NOL3: variants seen among roughly 807,000 people sequenced by gnomAD.
NOL3 encodes the protein nucleolar protein 3.
A neutral mutation model predicts 19.2 loss-of-function variants in NOL3; 18 were observed. The ratio of observed to expected loss-of-function variants is 0.94; its 90% CI spans 0.65 to 1.39. NOL3 has a LOEUF of 1.39. NOL3 is among the 40% of genes most tolerant of loss of function. NOL3 has a pLI of 0.00. For missense variants in NOL3, 290 were observed against 289.5 expected, an observed-to-expected ratio of 1.00 and a Z score of -0.01; for synonymous variants, 127 against 137.3, an observed-to-expected ratio of 0.93 and a Z score of 0.52.
intron 1 of NOL3, 179 bp from the exon 2 acceptor site, chr16:67,173,983 C>T: frequency 6.5e-7 from 1 of 1,538,412 alleles, no homozygotes; most frequent in South Asian, 1.2e-5. Context: ...CAGGAGGACA[C>T]CGAGTTCCCC....
exon 4 of NOL3, chr16:67,175,083 G>C (rs199600705): frequency 6.2e-7 from 1 of 1,614,224 alleles, no homozygotes; most frequent in South Asian, 1.1e-5. Context: ...GCGGTGCCCC[G>C]CCCATGCTGG....
chr16:67,174,848 C>T (rs1223981877), exon 3 of NOL3: 1 of 1,607,136 alleles, frequency 6.2e-7, no homozygotes, highest in Admixed American at 1.7e-5. Context: ...AGAGCCAGAG[C>T]TGGAACCCGA....
chr16:67,170,797 C>T lies in NOL3; in HGVS notation c.-9+223C>T, dbSNP rs1401064256. ...AAGGGGCGGGGGGGGAAAATCCGTG[C>T]AGTCGCACATGCGCAAAGGCTCTTC... is the stretch of plus-strand genomic sequence containing the variant. On this transcript the variant is annotated intron_variant, in intron 1 of 3. Coordinates refer to ENST00000268605, the Ensembl canonical transcript of NOL3. The surrounding 1 kb of genome is among the most constrained non-coding windows in gnomAD (Gnocchi z 5.7). Among the ~76,000 whole-genome samples the T allele has an allele frequency of 6.6e-6, 1 of 152,002 alleles. No individual in the cohort carries two copies.
At chr16:67,175,019 CTT>C (rs754154648) in intron 3 of NOL3, 26 bp from the exon 4 acceptor site, 1 of 1,613,796 alleles carries the variant, frequency 6.2e-7, no homozygotes, top group South Asian at 1.1e-5. Context: ...GACCCCACCT[CTT>C]TGACCACTGT....
chr16:67,174,155 C>CA lies in NOL3; in HGVS notation c.-8-6dup. 6.2e-7 allele frequency: 1 copy of CA among 1,605,236 alleles called. No homozygotes were observed. The highest frequency in any genetic ancestry group is 8.5e-7 in the Non-Finnish European group (1 of 1,174,982). ...CCCCATTACTTCTCTCCCCTTTCCCCATGCAGCCCCGACAATGGGCAACGC... is the reference window on the plus strand; with the variant it reads ...CCCCATTACTTCTCTCCCCTTTCCCCAATGCAGCCCCGACAATGGGCAACGC... On this transcript the variant is annotated splice_region_variant and splice_polypyrimidine_tract_variant and intron_variant, in intron 1 of 3. Coordinates refer to ENST00000268605, the Ensembl canonical transcript of NOL3.
chr16:67,171,825 G>A (rs2031782129), intron 1 of NOL3: 1 of 152,476 alleles, frequency 6.6e-6, no homozygotes, highest in Admixed American at 6.5e-5. Context: ...CAGGACATGA[G>A]GTGACGATGG....
chr16:67,174,171 T>C, exon 2 of NOL3: 3 of 1,608,132 alleles, frequency 1.9e-6, no homozygotes, highest in South Asian at 1.1e-5. Flanking sequence ...GCCCCGACAA[T>C]GGGCAACGCG....
At chr16:67,174,731 G>A (rs777950019) in exon 3 of NOL3, 3 of 1,610,842 alleles carry the variant, frequency 1.9e-6, no homozygotes, top group Admixed American at 3.4e-5. Context: ...CCCTGACGAG[G>A]CCGGGGGCCC....
At position 67,173,800 on chromosome 16, in the gene NOL3, G is replaced by C. The variant is rs1284850114; in HGVS notation, c.-8-362G>C. 5.6e-6 allele frequency: 8 copies of C among 1,430,698 alleles called. No homozygotes were observed. In the Admixed American group the frequency reaches 8.7e-5, roughly 16 times the overall value. The allele number at this position is 1,430,698 out of a possible 1,614,324, so 88.6% of individuals were successfully genotyped here. A position where few individuals can be genotyped will look rare whatever the true frequency, so the allele number is the denominator to read the frequency against. On this transcript the variant is annotated intron_variant, in intron 1 of 3. Transcript: ENST00000268605. Reference sequence around the variant, plus strand: ...ACCTTAGTTTGGATAAACGGGGTCTGAACTCGCCTCGGATTTGCCGGGGGT... The same window carrying C: ...ACCTTAGTTTGGATAAACGGGGTCTCAACTCGCCTCGGATTTGCCGGGGGT...
At chr16:67,174,535 C>A in intron 2 of NOL3, 71 bp downstream of exon 2, 1 of 1,476,760 alleles carries the variant, frequency 6.8e-7, no homozygotes, top group Non-Finnish European at 8.9e-7. Flanking sequence ...CCGGGGAGGG[C>A]AGGGTTGTCG....
chr16:67,174,526 C>G, intron 2 of NOL3, 62 bp downstream of exon 2: 3 of 1,470,650 alleles, frequency 2.0e-6, no homozygotes, highest in Non-Finnish European at 2.7e-6. Flanking sequence ...ACAAAAGGCC[C>G]GGGGAGGGCA....
At position 67,174,663 on chromosome 16, in the gene NOL3, G is replaced by A. The variant is rs769734439; in HGVS notation, c.338G>A (p.Trp113Ter). 6 of 1,580,990 alleles carry A rather than the reference G, an allele frequency of 3.8e-6. No individual in the cohort carries two copies. Among genetic ancestry groups the A allele is most frequent in the Non-Finnish European group, 5.1e-6 (6 of 1,165,492 alleles). The stretch of plus-strand genomic sequence containing the variant: ...TATGACCCTCCATGCCCAGGCCACT[G>A]GACGCCGGAGGCACCCGGCTCGGGG... The change falls in exon 3 of 4, where the codon TGG (tryptophan) becomes TAG (stop). Residue 113 changes from tryptophan (W) to a stop codon, truncating the protein, a stop_gained. Transcript: ENST00000268605. LOFTEE classifies it high-confidence loss of function.
chr16:67,173,937 G>A, intron 1 of NOL3: 1 of 1,536,384 alleles, frequency 6.5e-7, no homozygotes, highest in South Asian at 1.2e-5. Flanking sequence ...AGAAGGAGGA[G>A]CCTGAGGAGG....
Position 67,170,936 on chromosome 16 carries a change from G to A in NOL3, c.-9+362G>A, listed in dbSNP as rs1320973585. Reference sequence around the variant, plus strand: ...TGGCTCTCTGGGAAGAATCGGACCTGTCACCCTCGAAGGACTGGCCGCTAA... The same window carrying A: ...TGGCTCTCTGGGAAGAATCGGACCTATCACCCTCGAAGGACTGGCCGCTAA... On this transcript the variant is annotated intron_variant, in intron 1 of 3. Coordinates refer to ENST00000268605, the Ensembl canonical transcript of NOL3. The surrounding 1 kb of genome is among the most constrained non-coding windows in gnomAD (Gnocchi z 5.7). 1.3e-5 allele frequency among the ~76,000 whole-genome samples: 2 copies of A among 152,260 alleles called. No individual in the cohort carries two copies. The highest frequency in any genetic ancestry group is 2.9e-5 in the Non-Finnish European group (2 of 68,046).
At chr16:67,175,068 G>A in exon 4 of NOL3, 1 of 1,614,230 alleles carries the variant, frequency 6.2e-7, no homozygotes, top group Non-Finnish European at 8.5e-7. Flanking sequence ...CCAGAGCTCT[G>A]ACAGGCGGTG....
rs1054868866 is a variant in NOL3, at chr16:67,170,846, T to G, written c.-9+272T>G. Among the ~76,000 whole-genome samples the G allele has an allele frequency of 1.8e-4, 27 of 152,220 alleles. No homozygotes were observed. Among genetic ancestry groups the G allele is most frequent in the African/African-American group, 6.5e-4 (27 of 41,454 alleles). On this transcript the variant is annotated intron_variant, in intron 1 of 3. Coordinates refer to ENST00000268605, the Ensembl canonical transcript of NOL3. This position sits in a 1 kb window ranked among gnomAD's most constrained non-coding sequence, Gnocchi z 5.7. ...TCACTGTCCCAAGACCCTGGCTTCC[T>G]GGCCAAAGAGCCCGCGCAGCGAGGT...
At chr16:67,173,480 A>C (rs563235961) in intron 1 of NOL3, among the ~76,000 whole-genome samples, 3 of 151,260 alleles carry the variant, frequency 2.0e-5, no homozygotes, top group South Asian at 2.1e-4. Flanking sequence ...CTTGTCCTGG[A>C]AAGTTGGATA....
In NOL3 at chr16:67,174,030, C is replaced by T. The variant is rs2233455; in HGVS notation, c.-8-132C>T. The stretch of plus-strand genomic sequence containing the variant: ...CAGGTCCTGTGCTTGCGGAGCCGTC[C>T]GGCGGCTGGGATCGAGGTGAACTTA... On this transcript the variant is annotated intron_variant, in intron 1 of 3. Transcript: ENST00000268605. 125,184 of 1,549,782 alleles carry T rather than the reference C, an allele frequency of 0.081. 7,362 individuals are homozygous for T. Among genetic ancestry groups the T allele is most frequent in the African/African-American group, 0.3 (21,852 of 73,276 alleles).
chr16:67,174,429 C>G (rs1241571322), exon 2 of NOL3: 2 of 1,519,506 alleles, frequency 1.3e-6, no homozygotes, highest in South Asian at 1.2e-5. Flanking sequence ...GCGGGCGCGC[C>G]GGACCCCGCT....
Sources: gnomAD v4.1 joint callset for allele counts (sites outside exome capture counted in the v4.1 genomes callset) on GRCh38, gnomAD v4.1.1 for gene constraint, Gnocchi (gnomAD v3.1) non-coding constraint, MANE v1.5 for transcripts, NCBI Gene and HGNC (gene_info 2026-07-23, HGNC 2026-07-21) for gene names.